The following VSTM4 variants were observed in gnomAD, a reference collection of about 807,000 sequenced individuals.
VSTM4 encodes V-set and transmembrane domain containing 4.
VSTM4 carries 20 observed loss-of-function variants against 36.4 expected under a neutral mutation model. That is an observed-to-expected ratio of 0.55 (90% CI 0.39 to 0.80). The LOEUF (loss-of-function observed/expected upper bound fraction) is 0.80, where lower values mean the gene tolerates loss of function less well. VSTM4 is among the 30% of genes least tolerant of loss of function. The pLI, the probability that VSTM4 is intolerant of heterozygous loss-of-function variation, is 0.00. For synonymous variants in VSTM4, 182 were observed against 173.9 expected (o/e 1.05, Z -0.37); for missense variants, 392 against 404.5 (o/e 0.97, Z 0.26).
At chr10:49,084,747 TG>T (rs1326043052) in intron 3 of VSTM4, among the ~76,000 whole-genome samples, 3 of 152,256 alleles carry the variant, frequency 2.0e-5, no homozygotes, top group Non-Finnish European at 4.4e-5. Context: ...TCCAAAGCTC[TG>T]CCAGAGAACT....
At chr10:49,023,754 C>G (rs1161512172) in intron 7 of VSTM4, among the ~76,000 whole-genome samples, 2 of 152,196 alleles carry the variant, frequency 1.3e-5, no homozygotes, top group African/African-American at 4.8e-5. Context: ...CAAAATGACT[C>G]TCTTCAAGCC....
intron 7 of VSTM4, among the ~76,000 whole-genome samples, chr10:49,038,583 A>T (rs1239587364): frequency 6.6e-6 from 1 of 152,070 alleles, no homozygotes; most frequent in South Asian, 2.1e-4. Context: ...AATGATGAAG[A>T]TAGTACGTTT....
At chr10:49,054,881 C>T (rs994980924) in intron 5 of VSTM4, among the ~76,000 whole-genome samples, 4 of 152,140 alleles carry the variant, frequency 2.6e-5, no homozygotes, top group Non-Finnish European at 5.9e-5. Flanking sequence ...ACTGTGTGAG[C>T]CAAGGGACTT....
At chr10:49,051,992 G>A (rs541144191) in intron 5 of VSTM4, among the ~76,000 whole-genome samples, 101 of 152,074 alleles carry the variant, frequency 6.6e-4, no homozygotes, top group African/African-American at 2.4e-3. Context: ...GAAATAAGCC[G>A]ATGTTTACTT....
At chr10:49,092,612 AGAG>A (rs1844495742) in intron 2 of VSTM4, among the ~76,000 whole-genome samples, 1 of 152,324 alleles carries the variant, frequency 6.6e-6, no homozygotes, top group Non-Finnish European at 1.5e-5. Context: ...CGTGCTGGGT[AGAG>A]GAGGGCGTGG....
intron 7 of VSTM4, among the ~76,000 whole-genome samples, chr10:49,025,066 AAGG>A (rs1439921046): frequency 6.6e-6 from 1 of 152,018 alleles, no homozygotes; most frequent in Non-Finnish European, 1.5e-5. Flanking sequence ...ATGAAGACAC[AAGG>A]AGAAGGCGGC....
At chr10:49,065,520 C>G (rs888025973) in intron 4 of VSTM4, among the ~76,000 whole-genome samples, 1 of 152,186 alleles carries the variant, frequency 6.6e-6, no homozygotes, top group African/African-American at 2.4e-5. Flanking sequence ...GTAAAAGACA[C>G]CTGTGCTATG....
chr10:49,050,401 A>G (rs916962601), intron 5 of VSTM4, among the ~76,000 whole-genome samples: 3 of 152,238 alleles, frequency 2.0e-5, no homozygotes, highest in Admixed American at 2.0e-4. Context: ...ATAAATATAC[A>G]CATGGGTAAT....
rs1843091580 is a variant in VSTM4 at position 49,015,493 on chromosome 10, C to T, written c.*4157G>A. On this transcript the variant is annotated 3_prime_UTR_variant, in exon 8 of 8. Transcript: ENST00000332853. The stretch of plus-strand genomic sequence containing the variant: ...GGTTGAGAAAGCACTAGTCTACATG[C>T]CCATCTATCTGGACACCCCACAGCC... The T allele has an allele frequency of 6.6e-6, 1 of 152,186 alleles. No homozygotes were observed. The highest frequency in any genetic ancestry group is 1.5e-5 in the Non-Finnish European group (1 of 68,052). The allele number at this position is 152,186 out of a possible 1,614,324, so 9.4% of individuals were successfully genotyped here. A position where few individuals can be genotyped will look rare whatever the true frequency, so the allele number is the denominator to read the frequency against.
At chr10:49,038,308 C>T (rs1843464563) in intron 7 of VSTM4, among the ~76,000 whole-genome samples, 1 of 152,156 alleles carries the variant, frequency 6.6e-6, no homozygotes, top group East Asian at 1.9e-4. Flanking sequence ...ACACACACAG[C>T]AACGTGGATG....
At chr10:49,089,742 C>T (rs914127489) in intron 2 of VSTM4, among the ~76,000 whole-genome samples, 45 of 152,202 alleles carry the variant, frequency 3.0e-4, no homozygotes, top group African/African-American at 1.1e-3. Flanking sequence ...ATGGACCCTG[C>T]CAGATCTTCG....
At position 49,019,696 on chromosome 10, in the gene VSTM4, G is replaced by T. The variant is rs772472481; in HGVS notation, c.917C>A (p.Thr306Asn). 6.8e-6 allele frequency: 11 copies of T among 1,613,960 alleles called. No homozygotes were observed. In the East Asian group the frequency reaches 1.3e-4, roughly 20 times the overall value. ...GAGGATCTGGGCGTAGACAGTGCTG[G>T]TGGGGGCGCCTTTGGCAGCCCGGTG... ...KPHRAAKGAP[T>N]STVYAQILFE... is the part of the protein sequence containing the mutation. Residue 306 changes from threonine (T) to asparagine (N), a missense_variant, in exon 8 of 8, where the codon ACC becomes AAC. Thr to Asn is a moderately conservative substitution (Grantham distance 65). Coordinates refer to ENST00000332853, the MANE Select transcript of VSTM4 (RefSeq NM_001031746.5).
At chr10:49,048,410 G>A in intron 6 of VSTM4, 68 bp downstream of exon 6, 1 of 1,403,680 alleles carries the variant, frequency 7.1e-7, no homozygotes, top group Middle Eastern at 2.2e-4. Context: ...AATCCAACAT[G>A]GAACCCCAGA....
At chr10:49,038,260 T>C (rs1013033636) in intron 7 of VSTM4, among the ~76,000 whole-genome samples, 1 of 152,180 alleles carries the variant, frequency 6.6e-6, no homozygotes, top group African/African-American at 2.4e-5. Flanking sequence ...ATACTTACAA[T>C]AGAATATTAT....
At chr10:49,111,663 C>T (rs978113068) in intron 1 of VSTM4, among the ~76,000 whole-genome samples, 1 of 152,180 alleles carries the variant, frequency 6.6e-6, no homozygotes, top group Non-Finnish European at 1.5e-5. Context: ...TCCCCCTCCC[C>T]GTTGTACCTC....
At position 49,107,834 on chromosome 10, in the gene VSTM4, C is replaced by T; in HGVS notation, c.217G>A (p.Ala73Thr). 6.2e-7 allele frequency: 1 copy of T among 1,614,244 alleles called. No individual in the cohort carries two copies. The part of the protein sequence containing the change: ...FFAHSFDSQE[A>T]LMVKMTKLRV... Reference sequence around the variant, plus strand: ...AGCTTGGTCATCTTCACCATCAAGGCCTCCTGGGAGTCGAAGGAGTGTGCA... The same window carrying T: ...AGCTTGGTCATCTTCACCATCAAGGTCTCCTGGGAGTCGAAGGAGTGTGCA... Residue 73 changes from alanine (A) to threonine (T), a missense_variant, in exon 2 of 8, where the codon GCC becomes ACC. Coordinates refer to ENST00000332853, the MANE Select transcript of VSTM4 (RefSeq NM_001031746.5).
intron 5 of VSTM4, chr10:49,064,293 T>C (rs887355852): frequency 5.1e-6 from 1 of 196,798 alleles, no homozygotes; most frequent in Non-Finnish European, 1.0e-5. Flanking sequence ...ATAACTATTA[T>C]GTTACCTATA....
Position 49,016,684 on chromosome 10 carries a change from G to A in VSTM4, c.*2966C>T, listed in dbSNP as rs1843109543. Reference sequence around the variant, plus strand: ...CCATGTTGTCTTCACTCTCACAAGAGTCAAGAGGTGGGAGGCCTGGCTTTT... The same window carrying A: ...CCATGTTGTCTTCACTCTCACAAGAATCAAGAGGTGGGAGGCCTGGCTTTT... On this transcript the variant is annotated 3_prime_UTR_variant, in exon 8 of 8. Transcript: ENST00000332853. 1 of 152,248 alleles carries A rather than the reference G, an allele frequency of 6.6e-6. No homozygotes were observed. The highest frequency in any genetic ancestry group is 6.5e-5 in the Admixed American group (1 of 15,288). The allele number at this position is 152,248 out of a possible 1,614,324, so 9.4% of individuals were successfully genotyped here. A position where few individuals can be genotyped will look rare whatever the true frequency, so the allele number is the denominator to read the frequency against.
intron 4 of VSTM4, among the ~76,000 whole-genome samples, chr10:49,066,196 A>G (rs7916825): frequency 0.45 from 68,280 of 151,930 alleles, 16,845 homozygotes; most frequent in African/African-American, 0.66. Context: ...TCCCTTCCCC[A>G]CTTTTAACAT....
Sources: allele counts gnomAD v4.1 joint callset (sites outside exome capture counted in the v4.1 genomes callset), GRCh38; gene constraint gnomAD v4.1.1; transcripts MANE v1.5; gene names NCBI Gene and HGNC (gene_info 2026-07-23, HGNC 2026-07-21).